Variants in UGT1A8 observed in about 807,000 individuals in gnomAD.
UGT1A8 encodes the protein UDP glucuronosyltransferase family 1 member A8, also known as UDP-glucuronosyltransferase 1A8.
UGT1A8 carries 39 observed loss-of-function variants against 45.3 expected under a neutral mutation model. The observed-to-expected ratio is 0.86, with a 90% confidence interval of 0.67 to 1.12. UGT1A8 has a LOEUF of 1.12. Ranked by LOEUF, UGT1A8 falls within the 50% of genes most tolerant of loss-of-function variation. The pLI is 0.00. For synonymous variants in UGT1A8, 275 were observed against 249.2 expected (o/e 1.10, Z -0.97); for missense variants, 719 against 664.9 (o/e 1.08, Z -0.90).
At position 233,638,489 on chromosome 2, in the gene UGT1A8, TG is replaced by T. The variant is rs372232722; in HGVS notation, c.855+19928del. Among the ~76,000 whole-genome samples the T allele has an allele frequency of 1.1e-3, 165 of 152,324 alleles. 4 individuals carry two copies. In the South Asian group the frequency reaches 0.033, roughly 30 times the overall value. On this transcript the variant is annotated intron_variant, in intron 1 of 4. Coordinates refer to ENST00000373450, the MANE Select transcript of UGT1A8 (RefSeq NM_019076.5). ...GATATTTGTACTGCTTCTTTTGCTTTGCTGGAGCATATACTTCCAAAATATT... is the reference window on the plus strand; with the variant it reads ...GATATTTGTACTGCTTCTTTTGCTTTCTGGAGCATATACTTCCAAAATATT...
At chr2:233,691,459 A>G (rs1559344929) in intron 1 of UGT1A8, 1 of 985,756 alleles carries the variant, frequency 1.0e-6, no homozygotes, top group African/African-American at 1.7e-5. Context: ...CCTGGGCCCC[A>G]GAACACCTCC....
intron 1 of UGT1A8, among the ~76,000 whole-genome samples, chr2:233,708,247 A>G (rs2076009794): frequency 6.6e-6 from 1 of 152,202 alleles, no homozygotes; most frequent in South Asian, 2.1e-4. Flanking sequence ...ATAAGTGTAC[A>G]CTTTCCTTCA....
At chr2:233,686,149 A>G (rs1406546087) in intron 1 of UGT1A8, among the ~76,000 whole-genome samples, 1 of 152,206 alleles carries the variant, frequency 6.6e-6, no homozygotes, top group African/African-American at 2.4e-5. Flanking sequence ...TTAACTTGAA[A>G]TGGATCAAAG....
chr2:233,719,848 T>G (rs1575529888), intron 1 of UGT1A8, among the ~76,000 whole-genome samples: 1 of 152,206 alleles, frequency 6.6e-6, no homozygotes, highest in Non-Finnish European at 1.5e-5. Context: ...TATTTCAAGT[T>G]TTCAGTGGTC....
rs749620524 is a variant in UGT1A8, at chr2:233,618,366, G to C, written c.659G>C (p.Cys220Ser). The change falls in exon 1 of 5, where the codon TGC becomes TCC. Residue 220 changes from cysteine (C) to serine (S), a missense_variant. Physicochemically the swap from Cys to Ser is moderately radical, Grantham distance 112. Transcript: ENST00000373450. ...ATGCACTTGGAGGAACATTTATTTT[G>C]CCAGTATTTTTCCAAAAATGCCCTA... ...HIMHLEEHLFCQYFSKNALEI... is the reference protein window; with the variant it reads ...HIMHLEEHLFSQYFSKNALEI... 2 of 1,613,848 alleles carry C rather than the reference G, an allele frequency of 1.2e-6. No individual in the cohort carries two copies. The highest frequency in any genetic ancestry group is 2.2e-5 in the South Asian group (2 of 91,064).
At chr2:233,721,730 G>A (rs1364085120) in intron 1 of UGT1A8, 3 of 416,596 alleles carry the variant, frequency 7.2e-6, no homozygotes, top group Non-Finnish European at 9.6e-6. Context: ...ACTTGGATAA[G>A]CTTAATGATG....
intron 1 of UGT1A8, chr2:233,713,413 T>C (rs749800314): frequency 6.2e-7 from 1 of 1,614,190 alleles, no homozygotes; most frequent in Non-Finnish European, 8.5e-7. Context: ...ATCAGGCACC[T>C]GCATGCTACT....
In UGT1A8 at chr2:233,713,868, G is replaced by C. The variant is rs374502010; in HGVS notation, c.856-53166G>C. ...GAAGCCACTATCTCAGGTCTGTATT[G>C]GTGCCTTTATCCAATCAATGTTCCA... On this transcript the variant is annotated intron_variant, in intron 1 of 4. Coordinates refer to ENST00000373450, the MANE Select transcript of UGT1A8 (RefSeq NM_019076.5). 94 of 1,613,748 alleles carry C rather than the reference G, an allele frequency of 5.8e-5. No individual in the cohort carries two copies. The African/African-American group carries it at 1.1e-3, about 20-fold the overall frequency.
chr2:233,713,180 G>A (rs771375365), intron 1 of UGT1A8: 21 of 1,614,082 alleles, frequency 1.3e-5, no homozygotes, highest in South Asian at 8.8e-5. Context: ...TCCTCACCCT[G>A]GAGGTGAATA....
chr2:233,757,535 A>AATATATATACATATACATATACAT (rs376887521), intron 1 of UGT1A8, among the ~76,000 whole-genome samples: 3 of 88,310 alleles, frequency 3.4e-5, no homozygotes, highest in African/African-American at 1.0e-4. Flanking sequence ...GCCTGTAAGG[A>AATATATATACATATACATATACAT]ATATATATAT....
intron 1 of UGT1A8, among the ~76,000 whole-genome samples, chr2:233,765,395 G>A (rs1009787089): frequency 6.6e-6 from 1 of 152,142 alleles, no homozygotes; most frequent in Non-Finnish European, 1.5e-5. Context: ...AGAAAATGTG[G>A]TACATATACA....
intron 1 of UGT1A8, among the ~76,000 whole-genome samples, chr2:233,675,270 G>T (rs1040996706): frequency 6.6e-6 from 1 of 152,140 alleles, no homozygotes; most frequent in Non-Finnish European, 1.5e-5. Flanking sequence ...ATATCATTCC[G>T]TGTGGTCATT....
rs540217987 is a variant in UGT1A8, at chr2:233,754,403, C to G, written c.856-12631C>G. On this transcript the variant is annotated intron_variant, in intron 1 of 4. Coordinates refer to ENST00000373450, the MANE Select transcript of UGT1A8 (RefSeq NM_019076.5). ...CAAACAGAGGTCCTATCCGTGCAGTCCCAACAATAAAGACAGGCATTGGCA... is the reference window on the plus strand; with the variant it reads ...CAAACAGAGGTCCTATCCGTGCAGTGCCAACAATAAAGACAGGCATTGGCA... 52 of 338,868 alleles carry G rather than the reference C, an allele frequency of 1.5e-4. 1 individual carries two copies. Among genetic ancestry groups the G allele is most frequent in the South Asian group, 1.1e-3 (47 of 41,482 alleles). 21.0% of individuals were successfully genotyped at this position (338,868 alleles called of 1,614,324 possible).
intron 1 of UGT1A8, among the ~76,000 whole-genome samples, chr2:233,706,419 C>T (rs1315214642): frequency 6.6e-6 from 1 of 152,228 alleles, no homozygotes; most frequent in Admixed American, 6.5e-5. Flanking sequence ...TTCACGTGGT[C>T]TTTCAGCCAC....
At position 233,751,264 on chromosome 2, in the gene UGT1A8, CT is replaced by C. The variant is rs1248433988; in HGVS notation, c.856-15763del. Among the ~76,000 whole-genome samples the C allele has an allele frequency of 2.6e-5, 4 of 151,986 alleles. No homozygotes were observed. The East Asian group carries it at 7.7e-4, about 29-fold the overall frequency. On this transcript the variant is annotated intron_variant, in intron 1 of 4. Coordinates refer to ENST00000373450, the MANE Select transcript of UGT1A8 (RefSeq NM_019076.5). ...GGACTTGCATGGGGCCTGTAGCCCC[CT>C]TTTTTTGGCCAGTTTCTCCCATTTG...
intron 1 of UGT1A8, among the ~76,000 whole-genome samples, chr2:233,671,297 G>A (rs1282549359): frequency 6.6e-6 from 1 of 152,156 alleles, no homozygotes; most frequent in Non-Finnish European, 1.5e-5. Flanking sequence ...AATAGGAGAC[G>A]GTTACTTTCC....
chr2:233,747,009 G>A (rs1693538108), intron 1 of UGT1A8, among the ~76,000 whole-genome samples: 1 of 151,886 alleles, frequency 6.6e-6, no homozygotes, highest in African/African-American at 2.4e-5. Context: ...TCAAGTAGGA[G>A]TGATCGGTCT....
intron 1 of UGT1A8, among the ~76,000 whole-genome samples, chr2:233,684,227 C>A (rs754642033): frequency 1.3e-5 from 2 of 152,108 alleles, no homozygotes; most frequent in Non-Finnish European, 2.9e-5. Flanking sequence ...TGCAACCAAG[C>A]GCTTTCTAAA....
chr2:233,713,670 G>C (rs200994534), intron 1 of UGT1A8: 39 of 1,613,840 alleles, frequency 2.4e-5, no homozygotes, highest in East Asian at 1.8e-4. Context: ...TTGCCATGCT[G>C]TTTCTGCTCC....
Sources: allele counts gnomAD v4.1 joint callset (sites outside exome capture counted in the v4.1 genomes callset), GRCh38; gene constraint gnomAD v4.1.1; transcripts MANE v1.5; gene names NCBI Gene and HGNC (gene_info 2026-07-23, HGNC 2026-07-21).